The following NRXN1 variants were observed in gnomAD, a reference collection of about 807,000 sequenced individuals.
NRXN1 encodes neurexin 1.
NRXN1 carries 39 observed loss-of-function variants against 150.9 expected under a neutral mutation model. The ratio of observed to expected loss-of-function variants is 0.26; its 90% CI spans 0.20 to 0.34. The LOEUF (loss-of-function observed/expected upper bound fraction) is 0.34, where lower values mean the gene tolerates loss of function less well. Ranked by LOEUF, NRXN1 falls within the 10% of genes least tolerant of loss-of-function variation. The pLI, the probability that NRXN1 is intolerant of heterozygous loss-of-function variation, is 1.00. For missense variants in NRXN1, 1,815 were observed against 1,949.9 expected, an observed-to-expected ratio of 0.93 and a Z score of 1.30; for synonymous variants, 924 against 757.0, an observed-to-expected ratio of 1.22 and a Z score of -3.62.
intron 17 of NRXN1, among the ~76,000 whole-genome samples, chr2:50,392,039 A>C (rs558133118): frequency 6.6e-6 from 1 of 152,276 alleles, no homozygotes; most frequent in African/African-American, 2.4e-5. Context: ...AATTTATCAA[A>C]GTTGCCATCT....
At chr2:50,190,753 C>T (rs1047139937) in intron 18 of NRXN1, among the ~76,000 whole-genome samples, 1 of 151,592 alleles carries the variant, frequency 6.6e-6, no homozygotes, top group Non-Finnish European at 1.5e-5. Flanking sequence ...GCTGGGATTA[C>T]AGGCATGCGC....
chr2:51,018,592 A>C (rs1159961419), intron 2 of NRXN1, among the ~76,000 whole-genome samples: 1 of 152,072 alleles, frequency 6.6e-6, no homozygotes, highest in Non-Finnish European at 1.5e-5. Context: ...CTATCTTCTC[A>C]TTACGACATT....
chr2:51,026,384 C>G lies in NRXN1; in HGVS notation c.772+1118G>C, dbSNP rs201194822. 12 of 1,592,452 alleles carry G rather than the reference C, an allele frequency of 7.5e-6. No homozygotes were observed. The highest frequency in any genetic ancestry group is 1.0e-5 in the Non-Finnish European group (12 of 1,166,900). ...CCACTCACTCACTTTCTGTTAGAGG[C>G]TTTGCTGTATTTATACAACAGTATT... is the stretch of plus-strand genomic sequence containing the variant. On this transcript the variant is annotated intron_variant, in intron 2 of 22. Transcript: ENST00000401669.
intron 5 of NRXN1, among the ~76,000 whole-genome samples, chr2:50,675,336 C>T (rs576622243): frequency 1.4e-4 from 21 of 152,228 alleles, no homozygotes; most frequent in African/African-American, 3.6e-4. Flanking sequence ...TTGCGTCTAA[C>T]GTGCTCCTCA....
At chr2:50,372,291 T>C (rs1039157079) in intron 17 of NRXN1, among the ~76,000 whole-genome samples, 11 of 152,112 alleles carry the variant, frequency 7.2e-5, no homozygotes, top group African/African-American at 2.7e-4. Flanking sequence ...GTGGATGTGT[T>C]CTCTCTTTTT....
chr2:50,294,382 G>A (rs570480591), intron 17 of NRXN1, among the ~76,000 whole-genome samples: 2 of 151,996 alleles, frequency 1.3e-5, no homozygotes, highest in South Asian at 4.1e-4. Flanking sequence ...TAACAACAGA[G>A]ACATTTATAG....
At chr2:50,040,801 G>T (rs948691418) in intron 21 of NRXN1, among the ~76,000 whole-genome samples, 30 of 151,960 alleles carry the variant, frequency 2.0e-4, no homozygotes, top group African/African-American at 6.5e-4. Context: ...GGTATAACTG[G>T]TATTTGCAAT....
In NRXN1 at chr2:50,921,886, G is replaced by T; in HGVS notation, c.821-6C>A. ...TGTAATACCTTTACTTTTACCTATG[G>T]ATTTGATGAAATGGGTCCATGAAGA... On this transcript the variant is annotated splice_region_variant and splice_polypyrimidine_tract_variant and intron_variant, in intron 4 of 22. Transcript: ENST00000401669. 1 of 1,402,414 alleles carries T rather than the reference G, an allele frequency of 7.1e-7. No homozygotes were observed. Among genetic ancestry groups the T allele is most frequent in the East Asian group, 2.6e-5 (1 of 38,644 alleles). The allele number at this position is 1,402,414 out of a possible 1,614,324, so 86.9% of individuals were successfully genotyped here.
At chr2:50,045,356 G>T (rs539386848) in intron 21 of NRXN1, among the ~76,000 whole-genome samples, 1 of 152,088 alleles carries the variant, frequency 6.6e-6, no homozygotes, top group Admixed American at 6.5e-5. Context: ...TATCTTTTTT[G>T]TTTTGAGACA....
At chr2:50,265,981 TTATTATTATTATTA>T (rs1348780754) in intron 17 of NRXN1, among the ~76,000 whole-genome samples, 1 of 93,694 alleles carries the variant, frequency 1.1e-5, no homozygotes, top group African/African-American at 5.3e-5. Flanking sequence ...ATTATTATTA[TTATTATTATTATTA>T]TTATTTATTT....
chr2:50,925,874 C>T (rs1686792034), intron 3 of NRXN1, 64 bp downstream of exon 3: 2 of 1,239,158 alleles, frequency 1.6e-6, no homozygotes, highest in Admixed American at 2.0e-5. Context: ...TCAAGATGTA[C>T]CCTATTAGTA....
At chr2:50,520,362 T>A (rs1254226588) in intron 12 of NRXN1, among the ~76,000 whole-genome samples, 1 of 151,924 alleles carries the variant, frequency 6.6e-6, no homozygotes, top group South Asian at 2.1e-4. Flanking sequence ...ATCCTAAATA[T>A]TGGTGGGATT....
chr2:50,491,551 G>T (rs2091255575), intron 15 of NRXN1, among the ~76,000 whole-genome samples: 2 of 152,090 alleles, frequency 1.3e-5, no homozygotes, highest in African/African-American at 4.8e-5. Flanking sequence ...CTGGTAAGAA[G>T]GAAAAGGGGC....
intron 18 of NRXN1, among the ~76,000 whole-genome samples, chr2:50,185,281 T>C (rs1207032167): frequency 6.6e-6 from 1 of 152,104 alleles, no homozygotes; most frequent in African/African-American, 2.4e-5. Context: ...CTTTTTTCTC[T>C]ACAAGGAGAG....
At chr2:50,184,230 A>G (rs2060922778) in intron 18 of NRXN1, among the ~76,000 whole-genome samples, 1 of 152,048 alleles carries the variant, frequency 6.6e-6, no homozygotes, top group Non-Finnish European at 1.5e-5. Flanking sequence ...AAGCAAATCT[A>G]TATTTTCAAA....
At chr2:50,090,622 T>C (rs926473731) in intron 19 of NRXN1, among the ~76,000 whole-genome samples, 1 of 152,196 alleles carries the variant, frequency 6.6e-6, no homozygotes, top group Admixed American at 6.5e-5. Context: ...TCTACCACCT[T>C]TGTTTCAATA....
chr2:50,985,510 T>A (rs1697551877), intron 2 of NRXN1: 1 of 151,540 alleles, frequency 6.6e-6, no homozygotes, highest in African/African-American at 2.4e-5. Context: ...TCAAGTAGAA[T>A]GAAAAATACA....
intron 8 of NRXN1, among the ~76,000 whole-genome samples, chr2:50,573,748 T>TAAC (rs1332783030): frequency 6.7e-6 from 1 of 150,330 alleles, no homozygotes; most frequent in Non-Finnish European, 1.5e-5. Flanking sequence ...TTGAAAATAA[T>TAAC]AATAATAATA....
chr2:50,505,961 T>A (rs1182514493), intron 13 of NRXN1, among the ~76,000 whole-genome samples: 1 of 152,128 alleles, frequency 6.6e-6, no homozygotes, highest in Non-Finnish European at 1.5e-5. Flanking sequence ...ACCTCAGGAA[T>A]CTAAAAATGG....
Sources: allele counts gnomAD v4.1 joint callset (sites outside exome capture counted in the v4.1 genomes callset), GRCh38; gene constraint gnomAD v4.1.1; transcripts MANE v1.5; gene names NCBI Gene and HGNC (gene_info 2026-07-23, HGNC 2026-07-21).